PAK1: variants seen among roughly 807,000 people sequenced by gnomAD.
PAK1 encodes serine/threonine-protein kinase PAK 1.
A neutral mutation model predicts 67.4 loss-of-function variants in PAK1; 29 were observed. The ratio of observed to expected loss-of-function variants is 0.43; its 90% CI spans 0.32 to 0.59. The LOEUF (loss-of-function observed/expected upper bound fraction) is 0.59. Ranked by LOEUF, PAK1 falls within the 20% of genes least tolerant of loss-of-function variation. PAK1 has a pLI of 0.07. For synonymous variants in PAK1, 223 were observed against 237.4 expected (o/e 0.94, Z 0.56); for missense variants, 337 against 670.7 (o/e 0.50, Z 5.50).
intron 1 of PAK1, among the ~76,000 whole-genome samples, chr11:77,463,489 C>T (rs566178434): frequency 1.2e-4 from 18 of 152,296 alleles, no homozygotes; most frequent in Admixed American, 9.1e-4. Flanking sequence ...GGTCCACCTA[C>T]CACAGATAGC....
intron 1 of PAK1, among the ~76,000 whole-genome samples, chr11:77,428,571 C>CAAA (rs34457093): frequency 9.0e-6 from 1 of 111,054 alleles, no homozygotes; most frequent in Non-Finnish European, 1.9e-5. Flanking sequence ...GACTCCATCT[C>CAAA]AAAAAAAAAA....
chr11:77,375,305 T>C (rs1292481094), intron 4 of PAK1, among the ~76,000 whole-genome samples: 1 of 152,206 alleles, frequency 6.6e-6, no homozygotes, highest in African/African-American at 2.4e-5. Context: ...CATAGCACCA[T>C]CCTGAGTCAT....
At chr11:77,347,305 T>C (rs542428325) in intron 9 of PAK1, among the ~76,000 whole-genome samples, 20 of 152,312 alleles carry the variant, frequency 1.3e-4, no homozygotes, top group Non-Finnish European at 2.4e-4. Context: ...CAGAAGGGAC[T>C]CTAGTATCTA....
chr11:77,335,693 T>G (rs1454975776), intron 13 of PAK1, among the ~76,000 whole-genome samples: 1 of 152,160 alleles, frequency 6.6e-6, no homozygotes, highest in East Asian at 1.9e-4. Context: ...AACCCTCTAA[T>G]GACTTCCCAA....
intron 5 of PAK1, among the ~76,000 whole-genome samples, chr11:77,364,018 A>G (rs1947157162): frequency 6.6e-6 from 1 of 152,268 alleles, no homozygotes; most frequent in Non-Finnish European, 1.5e-5. Flanking sequence ...GCCCAGGCCC[A>G]GTGGCACTGT....
chr11:77,371,177 C>T (rs953001421), intron 5 of PAK1, among the ~76,000 whole-genome samples: 1 of 152,166 alleles, frequency 6.6e-6, no homozygotes, highest in African/African-American at 2.4e-5. Flanking sequence ...GCCATGGAAT[C>T]TTAGAGTCAG....
chr11:77,411,407 AG>A (rs1954506153), intron 1 of PAK1, among the ~76,000 whole-genome samples: 1 of 151,612 alleles, frequency 6.6e-6, no homozygotes, highest in African/African-American at 2.4e-5. Flanking sequence ...AACACAGAAA[AG>A]CCCCCACAGT....
At chr11:77,323,792 T>A (rs1938970533) in intron 14 of PAK1, among the ~76,000 whole-genome samples, 1 of 152,198 alleles carries the variant, frequency 6.6e-6, no homozygotes, top group Non-Finnish European at 1.5e-5. Flanking sequence ...ACAAATGGGT[T>A]GAATCTCACA....
chr11:77,374,912 T>C (rs544200789), intron 4 of PAK1, among the ~76,000 whole-genome samples: 1 of 152,300 alleles, frequency 6.6e-6, no homozygotes, highest in South Asian at 2.1e-4. Context: ...GCACTTACCA[T>C]AAATAGAGCC....
chr11:77,389,989 T>C (rs974892842), intron 2 of PAK1, among the ~76,000 whole-genome samples: 1 of 152,166 alleles, frequency 6.6e-6, no homozygotes, highest in Non-Finnish European at 1.5e-5. Context: ...TTTATAGAGA[T>C]CAAGAACACT....
chr11:77,417,822 C>A (rs960734937), intron 1 of PAK1, among the ~76,000 whole-genome samples: 1 of 151,770 alleles, frequency 6.6e-6, no homozygotes, highest in Non-Finnish European at 1.5e-5. Context: ...GCAACCTCCA[C>A]CTCCCCGGTT....
chr11:77,474,975 A>G (rs1400416942), upstream of PAK1: 1 of 152,158 alleles, frequency 6.6e-6, no homozygotes, highest in Admixed American at 6.5e-5. Flanking sequence ...AGCTATTCAA[A>G]TATTAGTGAT....
At chr11:77,462,848 T>C (rs1041183885) in intron 1 of PAK1, among the ~76,000 whole-genome samples, 21 of 132,792 alleles carry the variant, frequency 1.6e-4, no homozygotes, top group East Asian at 1.1e-3. Flanking sequence ...AAAAAAAAAG[T>C]CATGTGTCTC....
At chr11:77,325,434 A>G (rs1379684560) in intron 14 of PAK1, 10 of 1,571,928 alleles carry the variant, frequency 6.4e-6, no homozygotes, top group South Asian at 4.6e-5. Context: ...GACAATATAT[A>G]AAGTGCTTAG....
intron 8 of PAK1, among the ~76,000 whole-genome samples, chr11:77,352,350 C>G (rs1348379016): frequency 6.6e-6 from 1 of 152,150 alleles, no homozygotes; most frequent in Non-Finnish European, 1.5e-5. Context: ...CTCAAAATAA[C>G]AGCCAAACAC....
At chr11:77,504,410 T>C in the PAK1 span, among the ~76,000 whole-genome samples, 1 of 152,210 alleles carries the variant, frequency 6.6e-6, no homozygotes. Flanking sequence ...TTCAGTGTGT[T>C]CTTTGGGTTG....
At chr11:77,442,479 TAGCCAACAGC>T (rs1298940391) in intron 1 of PAK1, among the ~76,000 whole-genome samples, 2 of 152,182 alleles carry the variant, frequency 1.3e-5, no homozygotes, top group Non-Finnish European at 2.9e-5. Flanking sequence ...CTGAAGCTTT[TAGCCAACAGC>T]CAGGAAGAAA....
At chr11:77,325,546 G>A (rs192930643) in intron 14 of PAK1, among the ~76,000 whole-genome samples, 2 of 152,262 alleles carry the variant, frequency 1.3e-5, no homozygotes, top group Admixed American at 6.5e-5. Flanking sequence ...AAACTTTAGA[G>A]GTCACTAACC....
the PAK1 span, among the ~76,000 whole-genome samples, chr11:77,483,600 T>G: frequency 7.2e-5 from 11 of 152,342 alleles, no homozygotes; most frequent in Non-Finnish European, 1.2e-4. Flanking sequence ...GTATTGGAAA[T>G]GTTCTAAAAT....
Sources: allele counts gnomAD v4.1 joint callset (sites outside exome capture counted in the v4.1 genomes callset), GRCh38; gene constraint gnomAD v4.1.1; transcripts MANE v1.5; gene names NCBI Gene and HGNC (gene_info 2026-07-23, HGNC 2026-07-21).